VAV2: variants seen among roughly 807,000 people sequenced by gnomAD.
The protein encoded by VAV2 is vav guanine nucleotide exchange factor 2.
VAV2 carries 67 observed loss-of-function variants against 132.5 expected under a neutral mutation model. That is an observed-to-expected ratio of 0.51 (90% confidence interval 0.42 to 0.62). The LOEUF (loss-of-function observed/expected upper bound fraction) is 0.62, where lower values mean the gene tolerates loss of function less well. VAV2 is among the 20% of genes least tolerant of loss of function. The pLI, the probability that VAV2 is intolerant of heterozygous loss-of-function variation, is 0.00. For synonymous variants in VAV2, 492 were observed against 443.5 expected (o/e 1.11, Z -1.37); for missense variants, 938 against 1,153.6 (o/e 0.81, Z 2.71).
At chr9:133,984,490 G>A (rs113696430) in intron 1 of VAV2, among the ~76,000 whole-genome samples, 12,454 of 152,170 alleles carry the variant, frequency 0.082, 576 homozygotes, top group Middle Eastern at 0.11. Flanking sequence ...GCACACACCT[G>A]TAGTCCCAGC....
In VAV2 at chr9:133,991,930, C is replaced by T; in HGVS notation, c.204+145G>A. ...GCGTCTCGGAGGCCCGGGGCGCACCCTCCAGCCGCCCGCCCGCGTCCCGGA... is the reference window on the plus strand; with the variant it reads ...GCGTCTCGGAGGCCCGGGGCGCACCTTCCAGCCGCCCGCCCGCGTCCCGGA... On this transcript the variant is annotated intron_variant, in intron 1 of 29. Transcript: ENST00000371850. This position sits in a 1 kb window ranked among gnomAD's most constrained non-coding sequence, Gnocchi z 4.8. The T allele has an allele frequency of 1.7e-6, 1 of 602,088 alleles. No homozygotes were observed. The highest frequency in any genetic ancestry group is 2.2e-6 in the Non-Finnish European group (1 of 463,742). The allele number at this position is 602,088 out of a possible 1,614,324, so 37.3% of individuals were successfully genotyped here. A position where few individuals can be genotyped will look rare whatever the true frequency, so the allele number is the denominator to read the frequency against.
intron 2 of VAV2, among the ~76,000 whole-genome samples, chr9:133,910,539 G>A (rs1273008617): frequency 6.6e-6 from 1 of 151,914 alleles, no homozygotes; most frequent in Non-Finnish European, 1.5e-5. Flanking sequence ...GGCTGGGCGC[G>A]GTGGCTCACA....
At chr9:133,882,920 T>C (rs565125086) in intron 2 of VAV2, among the ~76,000 whole-genome samples, 3 of 152,232 alleles carry the variant, frequency 2.0e-5, no homozygotes, top group Admixed American at 6.5e-5. Flanking sequence ...GACTCTGCCA[T>C]GCCAAGAAGT....
chr9:133,812,098 G>A lies in VAV2; in HGVS notation c.552+16C>T. 2 of 1,612,192 alleles carry A rather than the reference G, an allele frequency of 1.2e-6. No homozygotes were observed. The highest frequency in any genetic ancestry group is 1.7e-6 in the Non-Finnish European group (2 of 1,178,604). On this transcript the variant is annotated intron_variant, in intron 5 of 29. Transcript: ENST00000371850. ...GGAAGGGAGGGGAAGGGAGGGAGGA[G>A]CGGGGCAGGGCTCACCATGGGCTGC...
In VAV2 at chr9:133,884,991, C is replaced by T. The variant is rs982881875; in HGVS notation, c.322-23559G>A. Among the ~76,000 whole-genome samples, 1 of 152,038 alleles carries T rather than the reference C, an allele frequency of 6.6e-6. No homozygotes were observed. The highest frequency in any genetic ancestry group is 1.5e-5 in the Non-Finnish European group (1 of 67,994). On this transcript the variant is annotated intron_variant, in intron 2 of 29. Transcript: ENST00000371850. This position sits in a 1 kb window ranked among gnomAD's most constrained non-coding sequence, Gnocchi z 5.3. ...GGTGGAGCCTAGATCATTCCAAAGA[C>T]TCCAAAGATAATGCCAAAGGCTCCA...
chr9:133,820,837 C>T (rs948796930), intron 4 of VAV2, among the ~76,000 whole-genome samples: 3 of 152,176 alleles, frequency 2.0e-5, no homozygotes, highest in Non-Finnish European at 4.4e-5. Context: ...GAGTACAGGG[C>T]AGTGACAGGG....
Position 133,780,147 on chromosome 9 carries a change from G to C in VAV2, c.1741-208C>G, listed in dbSNP as rs1036182565. Reference sequence around the variant, plus strand: ...CCTCTGTGCACCTCCACTCCTGGAAGGTCTGTGCCCTTCTCTCTCCCACTC... The same window carrying C: ...CCTCTGTGCACCTCCACTCCTGGAACGTCTGTGCCCTTCTCTCTCCCACTC... On this transcript the variant is annotated intron_variant, in intron 20 of 29. Coordinates refer to ENST00000371850, the MANE Select transcript of VAV2 (RefSeq NM_001134398.2). The C allele has an allele frequency of 4.7e-6, 3 of 635,986 alleles. No homozygotes were observed. In the African/African-American group the frequency reaches 5.6e-5, roughly 12 times the overall value. 39.4% of individuals were successfully genotyped at this position (635,986 alleles called of 1,614,324 possible). A position where few individuals can be genotyped will look rare whatever the true frequency, so the allele number is the denominator to read the frequency against.
chr9:133,991,327 G>A lies in VAV2; in HGVS notation c.204+748C>T, dbSNP rs1364016054. Among the ~76,000 whole-genome samples the A allele has an allele frequency of 6.6e-6, 1 of 152,226 alleles. No homozygotes were observed. The highest frequency in any genetic ancestry group is 1.5e-5 in the Non-Finnish European group (1 of 68,034). ...AAAAGCAGCTTCGTTCGGCTGGGCAGGCATTTTCCTGCCTGGCCCTGCGGC... is the reference window on the plus strand; with the variant it reads ...AAAAGCAGCTTCGTTCGGCTGGGCAAGCATTTTCCTGCCTGGCCCTGCGGC... On this transcript the variant is annotated intron_variant, in intron 1 of 29. Transcript: ENST00000371850. The surrounding 1 kb of genome is among the most constrained non-coding windows in gnomAD (Gnocchi z 4.8).
At position 133,857,657 on chromosome 9, in the gene VAV2, G is replaced by A. The variant is rs1837436260; in HGVS notation, c.380+3717C>T. On this transcript the variant is annotated intron_variant, in intron 3 of 29. Transcript: ENST00000371850. This position sits in a 1 kb window ranked among gnomAD's most constrained non-coding sequence, Gnocchi z 4.0. ...TGTGAAGTGCTGGTGGCTGCCCCCA[G>A]AAGGTTCAATTCCCCATGGAAATCC... Among the ~76,000 whole-genome samples the A allele has an allele frequency of 6.6e-6, 1 of 152,196 alleles. No homozygotes were observed. The highest frequency in any genetic ancestry group is 1.5e-5 in the Non-Finnish European group (1 of 68,034).
rs1433679854 is a variant in VAV2 at position 133,863,097 on chromosome 9, A to G, written c.322-1665T>C. Among the ~76,000 whole-genome samples the G allele has an allele frequency of 6.6e-6, 1 of 152,218 alleles. No homozygotes were observed. The highest frequency in any genetic ancestry group is 1.5e-5 in the Non-Finnish European group (1 of 68,032). Reference sequence around the variant, plus strand: ...TACAAGGGGCCTTTCACAAGTAATGAGGAACTTGGCTCTGGAGTGTTTTTG... The same window carrying G: ...TACAAGGGGCCTTTCACAAGTAATGGGGAACTTGGCTCTGGAGTGTTTTTG... On this transcript the variant is annotated intron_variant, in intron 2 of 29. Transcript: ENST00000371850. This position sits in a 1 kb window ranked among gnomAD's most constrained non-coding sequence, Gnocchi z 5.0.
rs377347290 is a variant in VAV2, at chr9:133,939,175, G to A, written c.249C>T (p.His83=). 2.1e-4 allele frequency: 342 copies of A among 1,614,224 alleles called. No homozygotes were observed. The highest frequency in any genetic ancestry group is 8.5e-4 in the East Asian group (38 of 44,890). The stretch of plus-strand genomic sequence containing the variant: ...CGCTGTTCCTTAATCCAAATTTATC[G>A]TGGCAGACTTTCAGGAAGGTGCGTA... ...KNIRTFLKVC[H]DKFGLRNSEL... Residue 83 remains histidine (H), a synonymous_variant, in exon 2 of 30, where the codon CAC becomes CAT. Transcript: ENST00000371850.
intron 1 of VAV2, among the ~76,000 whole-genome samples, chr9:133,973,171 CCCT>C (rs960658083): frequency 2.0e-5 from 3 of 152,022 alleles, no homozygotes; most frequent in African/African-American, 4.8e-5. Flanking sequence ...CTGCAAGCCC[CCCT>C]GTCTGCACAC....
At position 133,762,086 on chromosome 9, in the gene VAV2, G is replaced by C. The variant is rs968605816; in HGVS notation, c.*1976C>G. 3 of 152,590 alleles carry C rather than the reference G, an allele frequency of 2.0e-5. No individual in the cohort carries two copies. Among genetic ancestry groups the C allele is most frequent in the African/African-American group, 7.2e-5 (3 of 41,434 alleles). The allele number at this position is 152,590 out of a possible 1,614,324, so 9.5% of individuals were successfully genotyped here. A position where few individuals can be genotyped will look rare whatever the true frequency, so the allele number is the denominator to read the frequency against. On this transcript the variant is annotated 3_prime_UTR_variant, in exon 30 of 30. Coordinates refer to ENST00000371850, the MANE Select transcript of VAV2 (RefSeq NM_001134398.2). The surrounding 1 kb of genome is among the most constrained non-coding windows in gnomAD (Gnocchi z 5.0). ...CCCTGCAGTTTAGCCCCCTGCAGGG[G>C]ACACCCCGTCTCCTGCTGAAAACCA...
intron 2 of VAV2, among the ~76,000 whole-genome samples, chr9:133,938,687 C>A (rs1244529390): frequency 6.6e-6 from 1 of 152,140 alleles, no homozygotes; most frequent in African/African-American, 2.4e-5. Context: ...GCTTTCCCCT[C>A]CTCATCTCCC....
At position 133,836,426 on chromosome 9, in the gene VAV2, T is replaced by G. The variant is rs186835843; in HGVS notation, c.381-2086A>C. ...AACCTCGTCAGTCATTTCTGCTTTTTCTAAATTTTCAGTGATGATTGGTAT... is the reference window on the plus strand; with the variant it reads ...AACCTCGTCAGTCATTTCTGCTTTTGCTAAATTTTCAGTGATGATTGGTAT... On this transcript the variant is annotated intron_variant, in intron 3 of 29. Coordinates refer to ENST00000371850, the MANE Select transcript of VAV2 (RefSeq NM_001134398.2). Among the ~76,000 whole-genome samples, 100 of 152,376 alleles carry G rather than the reference T, an allele frequency of 6.6e-4. 1 individual carries two copies. Among genetic ancestry groups the G allele is most frequent in the Admixed American group, 7.2e-4 (11 of 15,304 alleles).
intron 2 of VAV2, among the ~76,000 whole-genome samples, chr9:133,893,862 G>A (rs1396136338): frequency 1.3e-5 from 2 of 152,196 alleles, no homozygotes; most frequent in Non-Finnish European, 2.9e-5. Flanking sequence ...GGCGAGAGTC[G>A]GGCGCCCACG....
Position 133,826,261 on chromosome 9 carries a change from A to G in VAV2, c.449+8011T>C, listed in dbSNP as rs1049403422. Among the ~76,000 whole-genome samples, 1 of 152,134 alleles carries G rather than the reference A, an allele frequency of 6.6e-6. No individual in the cohort carries two copies. The highest frequency in any genetic ancestry group is 1.5e-5 in the Non-Finnish European group (1 of 67,998). On this transcript the variant is annotated intron_variant, in intron 4 of 29. Coordinates refer to ENST00000371850, the MANE Select transcript of VAV2 (RefSeq NM_001134398.2). The surrounding 1 kb of genome is among the most constrained non-coding windows in gnomAD (Gnocchi z 4.2). ...TGAAAGGAAAGGAAAGGCCAGCTAG[A>G]CCTTGGGCCCTGGTGACCCGCCACA...
chr9:133,793,289 G>A lies in VAV2; in HGVS notation c.1102-1420C>T, dbSNP rs1352326865. On this transcript the variant is annotated intron_variant, in intron 12 of 29. Transcript: ENST00000371850. The stretch of plus-strand genomic sequence containing the variant: ...GCCCTGCCCCCCGAGAGCAGCGGGT[G>A]GAATTCCCCAAAATGCAAGTGACCA... Among the ~76,000 whole-genome samples, 4 of 152,026 alleles carry A rather than the reference G, an allele frequency of 2.6e-5. No individual in the cohort carries two copies. The East Asian group carries it at 5.8e-4, about 22-fold the overall frequency.
chr9:133,951,539 G>T (rs538041593), intron 1 of VAV2, among the ~76,000 whole-genome samples: 3 of 152,110 alleles, frequency 2.0e-5, no homozygotes, highest in African/African-American at 7.2e-5. Flanking sequence ...CCTGTGCTTC[G>T]TGAGGCCCAT....
Sources: allele counts gnomAD v4.1 joint callset (sites outside exome capture counted in the v4.1 genomes callset), GRCh38; gene constraint gnomAD v4.1.1; non-coding constraint Gnocchi (gnomAD v3.1); transcripts MANE v1.5; gene names NCBI Gene and HGNC (gene_info 2026-07-23, HGNC 2026-07-21).